Variants in TEKT1 observed in about 807,000 individuals in gnomAD.
TEKT1 encodes the protein tektin 1.
TEKT1 carries 32 observed loss-of-function variants against 34.8 expected under a neutral mutation model. The ratio of observed to expected loss-of-function variants is 0.92; its 90% CI spans 0.69 to 1.23. TEKT1 has a LOEUF of 1.23. Among genes scored for constraint, TEKT1 ranks in the 50% most tolerant of loss-of-function variants. The pLI, the probability that TEKT1 is intolerant of heterozygous loss-of-function variation, is 0.00. For missense variants in TEKT1, 492 were observed against 518.5 expected (o/e 0.95, Z 0.50); for synonymous variants, 207 against 199.8 (o/e 1.04, Z -0.30).
At chr17:6,822,348 G>GCTGGTCTCAAACTC (rs962736848) in intron 2 of TEKT1, among the ~76,000 whole-genome samples, 8 of 152,068 alleles carry the variant, frequency 5.3e-5, no homozygotes, top group African/African-American at 1.9e-4. Context: ...TGTTGCCAAG[G>GCTGGTCTCAAACTC]CTGGTCTCAA....
intron 2 of TEKT1, among the ~76,000 whole-genome samples, chr17:6,822,240 G>C (rs1446677563): frequency 6.6e-6 from 1 of 152,086 alleles, no homozygotes. Flanking sequence ...GGGCTCAGGA[G>C]ATCCTCCCAC....
At chr17:6,826,800 A>G (rs548024946) in intron 2 of TEKT1, among the ~76,000 whole-genome samples, 4 of 150,754 alleles carry the variant, frequency 2.7e-5, no homozygotes, top group East Asian at 1.9e-4. Context: ...AGTTCACGCC[A>G]TTCTCCTGCC....
intron 6 of TEKT1, among the ~76,000 whole-genome samples, chr17:6,803,271 C>A (rs1044352774): frequency 1.3e-5 from 2 of 152,178 alleles, no homozygotes; most frequent in African/African-American, 4.8e-5. Context: ...TGAGAAGTGT[C>A]TGTTCATATC....
At chr17:6,818,603 G>C (rs1977041535) in intron 3 of TEKT1, among the ~76,000 whole-genome samples, 1 of 152,122 alleles carries the variant, frequency 6.6e-6, no homozygotes, top group Non-Finnish European at 1.5e-5. Context: ...TGAGCACCTG[G>C]CTGCCCAAAG....
chr17:6,815,694 C>G, intron 4 of TEKT1, 140 bp downstream of exon 4: 1 of 1,325,224 alleles, frequency 7.5e-7, no homozygotes, highest in South Asian at 1.4e-5. Flanking sequence ...ACCCTGAGTG[C>G]TGGGGCAATC....
intron 6 of TEKT1, among the ~76,000 whole-genome samples, chr17:6,807,181 T>C (rs1976856736): frequency 6.6e-6 from 1 of 152,228 alleles, no homozygotes; most frequent in African/African-American, 2.4e-5. Context: ...TCATTCTTTT[T>C]TCTCTAAACT....
chr17:6,803,129 T>C (rs1818478106), intron 6 of TEKT1, among the ~76,000 whole-genome samples: 1 of 152,194 alleles, frequency 6.6e-6, no homozygotes, highest in South Asian at 2.1e-4. Flanking sequence ...TGTTGTTTCC[T>C]GACTTTTTAA....
intron 2 of TEKT1, among the ~76,000 whole-genome samples, chr17:6,825,889 TTACAA>T (rs1904383699): frequency 6.6e-6 from 1 of 152,198 alleles, no homozygotes; most frequent in Non-Finnish European, 1.5e-5. Flanking sequence ...GTTGGGGCCA[TTACAA>T]ATGGCCCTCC....
intron 2 of TEKT1, among the ~76,000 whole-genome samples, chr17:6,828,066 TC>T (rs1904461582): frequency 1.3e-5 from 2 of 152,114 alleles, no homozygotes; most frequent in Admixed American, 1.3e-4. Context: ...TGCCTCAGCC[TC>T]CTGAGTAACC....
intron 2 of TEKT1, among the ~76,000 whole-genome samples, chr17:6,823,460 G>C (rs533028353): frequency 6.6e-6 from 1 of 152,104 alleles, no homozygotes; most frequent in Admixed American, 6.5e-5. Flanking sequence ...GCATGTGCTT[G>C]CCTGTGTATG....
At position 6,800,772 on chromosome 17, in the gene TEKT1, G is replaced by A; in HGVS notation, c.1024C>T (p.Gln342Ter). 6.2e-7 allele frequency: 1 copy of A among 1,613,612 alleles called. No homozygotes were observed. Among genetic ancestry groups the A allele is most frequent in the East Asian group, 2.2e-5 (1 of 44,858 alleles). Residue 342 changes from glutamine (Q) to a stop codon, truncating the protein, a stop_gained, in exon 7 of 8, where the codon CAA becomes TAA. Transcript: ENST00000338694. LOFTEE classifies it high-confidence loss of function. ...VAQYRLMKEV[Q>*]EITHNVARLK... ...CTTGCGACATTGTGGGTGATCTCTT[G>A]AACCTCCTTCATTAGCCTATATTGT...
In TEKT1 at chr17:6,829,744, C is replaced by A. The variant is rs572343962; in HGVS notation, c.190+443G>T. Among the ~76,000 whole-genome samples, 3 of 151,854 alleles carry A rather than the reference C, an allele frequency of 2.0e-5. No individual in the cohort carries two copies. In the South Asian group the frequency reaches 6.2e-4, roughly 32 times the overall value. ...GAACTGTATTGTTTTTATTTGTATT[C>A]TTTAATTGTTGTAATCTTTTATTGT... is the stretch of plus-strand genomic sequence containing the variant. On this transcript the variant is annotated intron_variant, in intron 2 of 7. Transcript: ENST00000338694.
chr17:6,808,689 A>C (rs1201046762), intron 6 of TEKT1, among the ~76,000 whole-genome samples: 4 of 152,320 alleles, frequency 2.6e-5, no homozygotes, highest in East Asian at 3.9e-4. Flanking sequence ...ATTAGTAAAA[A>C]AAGATGATGC....
In TEKT1 at chr17:6,811,008, C is replaced by T. The variant is rs1210920006; in HGVS notation, c.852+1823G>A. 6.6e-6 allele frequency among the ~76,000 whole-genome samples: 1 copy of T among 152,200 alleles called. No homozygotes were observed. Among genetic ancestry groups the T allele is most frequent in the East Asian group, 1.9e-4 (1 of 5,186 alleles). ...CCACCCACCTTGGCCTCCCAAAGTG[C>T]TGGGATTACAGGCGTGAGCCACCAC... On this transcript the variant is annotated intron_variant, in intron 6 of 7. Coordinates refer to ENST00000338694, the MANE Select transcript of TEKT1 (RefSeq NM_053285.2). The surrounding 1 kb of genome is among the most constrained non-coding windows in gnomAD (Gnocchi z 4.4).
chr17:6,815,463 T>C (rs566658411), intron 4 of TEKT1, among the ~76,000 whole-genome samples, 157 bp from the exon 5 acceptor site: 211 of 152,278 alleles, frequency 1.4e-3, no homozygotes, highest in Non-Finnish European at 6.8e-4. Flanking sequence ...CGTATACCAT[T>C]TGATGCCCGG....
chr17:6,828,279 T>C (rs910687579), intron 2 of TEKT1, among the ~76,000 whole-genome samples: 2 of 152,098 alleles, frequency 1.3e-5, no homozygotes, highest in Admixed American at 1.3e-4. Flanking sequence ...ATTTGCACAA[T>C]TATTTAGAAC....
chr17:6,801,105 G>A (rs1976765280), intron 6 of TEKT1, among the ~76,000 whole-genome samples, 162 bp from the exon 7 acceptor site: 1 of 152,148 alleles, frequency 6.6e-6, no homozygotes, highest in Non-Finnish European at 1.5e-5. Flanking sequence ...AGCAGTGATT[G>A]CTGGTGGGCA....
rs927785661 is a variant in TEKT1 at position 6,802,677 on chromosome 17, C to G, written c.853-1734G>C. 7.3e-5 allele frequency among the ~76,000 whole-genome samples: 11 copies of G among 150,162 alleles called. No individual in the cohort carries two copies. The South Asian group carries it at 2.4e-3, about 32-fold the overall frequency. ...GCCCTGGTGTGTGATGTTCCCCTTC[C>G]TGTGTCCATGTGTTCTCATTGTTCA... is the stretch of plus-strand genomic sequence containing the variant. On this transcript the variant is annotated intron_variant, in intron 6 of 7. Transcript: ENST00000338694.
chr17:6,816,304 C>T (rs1228282086), intron 3 of TEKT1, among the ~76,000 whole-genome samples: 3 of 152,044 alleles, frequency 2.0e-5, no homozygotes, highest in Non-Finnish European at 4.4e-5. Context: ...CATAGGTATA[C>T]ATGTGCCACA....
Sources: gnomAD v4.1 joint callset for allele counts (sites outside exome capture counted in the v4.1 genomes callset) on GRCh38, gnomAD v4.1.1 for gene constraint, Gnocchi (gnomAD v3.1) non-coding constraint, MANE v1.5 for transcripts, NCBI Gene and HGNC (gene_info 2026-07-23, HGNC 2026-07-21) for gene names.